The following DCC variants were observed in gnomAD, a reference collection of about 807,000 sequenced individuals.
The protein encoded by DCC is DCC netrin 1 receptor.
Under a neutral mutation model 172.5 loss-of-function variants are expected in DCC, and 58 were observed. The ratio of observed to expected loss-of-function variants is 0.34; its 90% confidence interval spans 0.27 to 0.42. The LOEUF (loss-of-function observed/expected upper bound fraction) is 0.42, where lower values mean the gene tolerates loss of function less well. DCC is among the 10% of genes least tolerant of loss of function. The pLI is 1.00. For missense variants in DCC, 1,740 were observed against 1,791.0 expected (o/e 0.97, Z 0.51); for synonymous variants, 709 against 644.5 (o/e 1.10, Z -1.52).
chr18:52,443,924 G>A (rs961805018), intron 1 of DCC, among the ~76,000 whole-genome samples: 1 of 152,120 alleles, frequency 6.6e-6, no homozygotes, highest in African/African-American at 2.4e-5. Flanking sequence ...TCATTGATGA[G>A]GGCTGCAAAG....
intron 1 of DCC, among the ~76,000 whole-genome samples, chr18:52,427,835 T>TTTCTTCCTTC (rs1987486722): frequency 4.3e-5 from 2 of 46,020 alleles, no homozygotes; most frequent in Admixed American, 2.4e-4. Context: ...TTCCTTCCTT[T>TTTCTTCCTTC]CTTCCTTCCT....
chr18:53,521,668 C>A (rs2046400372), intron 27 of DCC, among the ~76,000 whole-genome samples: 1 of 151,944 alleles, frequency 6.6e-6, no homozygotes, highest in East Asian at 1.9e-4. Flanking sequence ...TTGTAGATAC[C>A]TATGTTAGAG....
intron 1 of DCC, among the ~76,000 whole-genome samples, chr18:52,566,069 T>A (rs1239533639): frequency 6.6e-6 from 1 of 152,136 alleles, no homozygotes; most frequent in Admixed American, 6.6e-5. Context: ...TAGCCAGTTT[T>A]CCCAACACCA....
intron 2 of DCC, among the ~76,000 whole-genome samples, chr18:52,886,597 C>T (rs1304506395): frequency 6.6e-6 from 1 of 152,122 alleles, no homozygotes; most frequent in Non-Finnish European, 1.5e-5. Flanking sequence ...GTAGCGTATT[C>T]GTTGTCTTTT....
intron 2 of DCC, among the ~76,000 whole-genome samples, chr18:52,842,613 A>G (rs2038825443): frequency 6.6e-6 from 1 of 152,210 alleles, no homozygotes; most frequent in Non-Finnish European, 1.5e-5. Flanking sequence ...TGTGTGCATC[A>G]CATGGCCTAG....
At chr18:52,443,115 A>G (rs1341436351) in intron 1 of DCC, among the ~76,000 whole-genome samples, 2 of 152,196 alleles carry the variant, frequency 1.3e-5, no homozygotes, top group Non-Finnish European at 2.9e-5. Context: ...AACAAAACAT[A>G]TCTACAAGAC....
chr18:52,685,486 G>T (rs1282232489), intron 1 of DCC, among the ~76,000 whole-genome samples: 1 of 152,100 alleles, frequency 6.6e-6, no homozygotes, highest in Non-Finnish European at 1.5e-5. Context: ...TGGAAGGTGG[G>T]GCCTAGTGGG....
chr18:53,063,548 G>T (rs531494886), intron 6 of DCC, 89 bp downstream of exon 6: 42 of 1,064,448 alleles, frequency 3.9e-5, no homozygotes, highest in Middle Eastern at 2.3e-4. Flanking sequence ...AAAAAAAAAG[G>T]TTCCTGTTGG....
intron 1 of DCC, among the ~76,000 whole-genome samples, chr18:52,680,160 A>G (rs2035720740): frequency 6.6e-6 from 1 of 152,138 alleles, no homozygotes; most frequent in Non-Finnish European, 1.5e-5. Context: ...ACAGAAAGCA[A>G]GACAGCATCC....
intron 9 of DCC, among the ~76,000 whole-genome samples, chr18:53,182,212 ATC>A (rs1263743138): frequency 6.6e-6 from 1 of 152,242 alleles, no homozygotes; most frequent in Non-Finnish European, 1.5e-5. Flanking sequence ...AAAATGAAGA[ATC>A]TCTCTGCTTT....
chr18:52,521,283 T>G (rs1043416138), intron 1 of DCC, among the ~76,000 whole-genome samples: 6 of 152,206 alleles, frequency 3.9e-5, no homozygotes, highest in Non-Finnish European at 8.8e-5. Flanking sequence ...GTCAAATAGA[T>G]TCATTTGAGG....
At chr18:53,249,018 G>A (rs961908621) in intron 12 of DCC, among the ~76,000 whole-genome samples, 10 of 151,884 alleles carry the variant, frequency 6.6e-5, no homozygotes, top group African/African-American at 2.4e-4. Context: ...GTTCTGTTTG[G>A]CACCTTCTAG....
At chr18:53,511,241 G>A (rs920477792) in intron 27 of DCC, among the ~76,000 whole-genome samples, 2 of 152,184 alleles carry the variant, frequency 1.3e-5, no homozygotes. Flanking sequence ...ATAACCAGAT[G>A]GGAATCAAGG....
chr18:52,719,628 C>T (rs1238229374), intron 1 of DCC, among the ~76,000 whole-genome samples: 3 of 151,304 alleles, frequency 2.0e-5, no homozygotes, highest in African/African-American at 7.3e-5. Flanking sequence ...AAAAAGATCA[C>T]TGCAAATTAT....
chr18:52,710,919 G>A (rs1212163260), intron 1 of DCC, among the ~76,000 whole-genome samples: 1 of 152,186 alleles, frequency 6.6e-6, no homozygotes, highest in Non-Finnish European at 1.5e-5. Flanking sequence ...AATGGTGGAA[G>A]GAGAGGAGAC....
intron 27 of DCC, among the ~76,000 whole-genome samples, chr18:53,523,920 G>A (rs549330171): frequency 2.4e-4 from 36 of 151,760 alleles, no homozygotes; most frequent in African/African-American, 7.5e-4. Flanking sequence ...GAAGGGGGAG[G>A]CAGGAGAAAA....
intron 21 of DCC, among the ~76,000 whole-genome samples, chr18:53,427,930 A>T (rs1283004854): frequency 2.3e-5 from 1 of 43,028 alleles, no homozygotes; most frequent in Non-Finnish European, 6.6e-5. Context: ...AATATATAAT[A>T]TAATATAATA....
chr18:52,817,513 G>A (rs2038322427), intron 2 of DCC, among the ~76,000 whole-genome samples: 1 of 151,864 alleles, frequency 6.6e-6, no homozygotes, highest in South Asian at 2.1e-4. Flanking sequence ...AAATTATTAG[G>A]TACATATTTT....
At chr18:52,690,624 G>C (rs1358144156) in intron 1 of DCC, among the ~76,000 whole-genome samples, 1 of 152,118 alleles carries the variant, frequency 6.6e-6, no homozygotes, top group Non-Finnish European at 1.5e-5. Context: ...GAGATTGGCT[G>C]AGCAGTTATT....
Sources: gnomAD v4.1 joint callset for allele counts (sites outside exome capture counted in the v4.1 genomes callset) on GRCh38, gnomAD v4.1.1 for gene constraint, MANE v1.5 for transcripts, NCBI Gene and HGNC (gene_info 2026-07-23, HGNC 2026-07-21) for gene names.